Variants in LDAH observed in about 807,000 individuals in gnomAD.
LDAH encodes lipid droplet associated hydrolase, also known as lipid droplet-associated hydrolase.
A neutral mutation model predicts 29.6 loss-of-function variants in LDAH; 26 were observed. That is an observed-to-expected ratio of 0.88 (90% CI 0.64 to 1.22). The LOEUF (loss-of-function observed/expected upper bound fraction) is 1.22, where lower values mean the gene tolerates loss of function less well. Among genes scored for constraint, LDAH ranks in the 50% most tolerant of loss-of-function variants. LDAH has a pLI of 0.00. For synonymous variants in LDAH, 117 were observed against 133.0 expected, an observed-to-expected ratio of 0.88 and a Z score of 0.83; for missense variants, 344 against 387.3, an observed-to-expected ratio of 0.89 and a Z score of 0.94.
chr2:20,775,961 T>C (rs539510562), intron 3 of LDAH, among the ~76,000 whole-genome samples: 3 of 152,318 alleles, frequency 2.0e-5, no homozygotes, highest in Admixed American at 1.3e-4. Flanking sequence ...GACTAGATGA[T>C]CTCTGAGGAT....
At position 20,685,474 on chromosome 2, in the gene LDAH, T is replaced by A; in HGVS notation, c.*1429A>T. 6.6e-7 allele frequency: 1 copy of A among 1,519,334 alleles called. No homozygotes were observed. 94.1% of individuals were successfully genotyped at this position (1,519,334 alleles called of 1,614,324 possible). ...CAGCACTCCTTGTCTGGAGCTTGGCTTTTCCCCTCTGAGAAGTCACTTGCT... is the reference window on the plus strand; with the variant it reads ...CAGCACTCCTTGTCTGGAGCTTGGCATTTCCCCTCTGAGAAGTCACTTGCT... On this transcript the variant is annotated 3_prime_UTR_variant, in exon 7 of 7. Coordinates refer to ENST00000237822, the MANE Select transcript of LDAH (RefSeq NM_021925.4).
intron 5 of LDAH, among the ~76,000 whole-genome samples, chr2:20,720,361 A>G (rs1344420329): frequency 1.3e-5 from 2 of 152,132 alleles, no homozygotes; most frequent in East Asian, 3.8e-4. Context: ...CCTATTTACA[A>G]TAGCTACTAA....
chr2:20,736,636 A>G (rs1666809731), intron 5 of LDAH, among the ~76,000 whole-genome samples: 1 of 152,144 alleles, frequency 6.6e-6, no homozygotes, highest in Admixed American at 6.5e-5. Context: ...CCCTTTTTAA[A>G]GGGAAATTGA....
At chr2:20,734,728 A>C (rs1190198590) in intron 5 of LDAH, among the ~76,000 whole-genome samples, 5 of 152,196 alleles carry the variant, frequency 3.3e-5, no homozygotes, top group Non-Finnish European at 1.5e-5. Flanking sequence ...TAACTTGTTC[A>C]CTGTTCTTTC....
chr2:20,718,814 A>G (rs1358954802), intron 5 of LDAH, among the ~76,000 whole-genome samples: 1 of 152,122 alleles, frequency 6.6e-6, no homozygotes, highest in Non-Finnish European at 1.5e-5. Flanking sequence ...TATTAAGTAT[A>G]TTTTCTGACC....
chr2:20,815,904 C>T (rs1235086507), intron 1 of LDAH, among the ~76,000 whole-genome samples: 1 of 151,982 alleles, frequency 6.6e-6, no homozygotes, highest in Admixed American at 6.6e-5. Context: ...TTTCTTAAAT[C>T]ATATTTGATA....
chr2:20,792,205 T>C (rs1286179343), intron 2 of LDAH, among the ~76,000 whole-genome samples: 2 of 152,148 alleles, frequency 1.3e-5, no homozygotes, highest in Non-Finnish European at 2.9e-5. Flanking sequence ...GAATATGTTA[T>C]ACCTCATATT....
At chr2:20,809,699 C>T (rs1316519567) in intron 1 of LDAH, among the ~76,000 whole-genome samples, 1 of 152,168 alleles carries the variant, frequency 6.6e-6, no homozygotes, top group East Asian at 1.9e-4. Flanking sequence ...GATATTTGAA[C>T]AGGCACTTCA....
At chr2:20,704,224 T>C (rs909279189) in intron 5 of LDAH, among the ~76,000 whole-genome samples, 6 of 152,230 alleles carry the variant, frequency 3.9e-5, no homozygotes, top group Admixed American at 6.5e-5. Context: ...CTTGTCTGTC[T>C]GTGATATTAG....
chr2:20,801,372 C>T lies in LDAH; in HGVS notation c.92G>A (p.Trp31Ter). 1 of 1,614,102 alleles carries T rather than the reference C, an allele frequency of 6.2e-7. No homozygotes were observed. Among genetic ancestry groups the T allele is most frequent in the Non-Finnish European group, 8.5e-7 (1 of 1,179,988 alleles). ...AETQVLKCGP[W>*]TDLFHDQSVK... ...ACTTTGATCATGAAAGAGGTCTGTC[C>T]AGGGCCCACATTTTAGAACCTGGGT... Residue 31 changes from tryptophan (W) to a stop codon, truncating the protein, a stop_gained, in exon 2 of 7, where the codon TGG (tryptophan) becomes TAG (stop). Transcript: ENST00000237822. LOFTEE classifies it high-confidence loss of function.
Position 20,686,812 on chromosome 2 carries a change from A to G in LDAH, c.*91T>C. ...GGTTCTCACTTTCTTCATTTCTAATATCAGTCTTCAAAATTAAACATTTAC... is the reference window on the plus strand; with the variant it reads ...GGTTCTCACTTTCTTCATTTCTAATGTCAGTCTTCAAAATTAAACATTTAC... On this transcript the variant is annotated 3_prime_UTR_variant, in exon 7 of 7. Transcript: ENST00000237822. 8.6e-7 allele frequency: 1 copy of G among 1,169,280 alleles called. No homozygotes were observed. The allele number at this position is 1,169,280 out of a possible 1,614,324, so 72.4% of individuals were successfully genotyped here. A position where few individuals can be genotyped will look rare whatever the true frequency, so the allele number is the denominator to read the frequency against.
chr2:20,761,943 A>C lies in LDAH; in HGVS notation c.468+12867T>G, dbSNP rs542665843. On this transcript the variant is annotated intron_variant, in intron 4 of 6. Transcript: ENST00000237822. ...ATATATGTCATTACAGAAAATTCAA[A>C]AATAAAAAATAGAAAAAAAAAACCC... Among the ~76,000 whole-genome samples, 13 of 152,080 alleles carry C rather than the reference A, an allele frequency of 8.5e-5. No individual in the cohort carries two copies. In the South Asian group the frequency reaches 1.0e-3, roughly 12 times the overall value.
intron 6 of LDAH, among the ~76,000 whole-genome samples, chr2:20,701,290 A>T (rs944100336): frequency 3.9e-5 from 6 of 152,232 alleles, no homozygotes; most frequent in Non-Finnish European, 7.3e-5. Flanking sequence ...TTCTCAGTAG[A>T]AGGCCTAGAG....
chr2:20,711,330 G>A (rs1314035654), intron 5 of LDAH, among the ~76,000 whole-genome samples: 1 of 151,650 alleles, frequency 6.6e-6, no homozygotes, highest in African/African-American at 2.4e-5. Flanking sequence ...GCTTGAAGTG[G>A]GCCGAGATTG....
intron 5 of LDAH, among the ~76,000 whole-genome samples, chr2:20,723,102 T>G (rs1328856998): frequency 6.6e-5 from 10 of 152,338 alleles, no homozygotes; most frequent in African/African-American, 2.4e-4. Context: ...ACCCAAGTAT[T>G]CATCAATCAT....
At chr2:20,713,202 T>C (rs1005315145) in intron 5 of LDAH, among the ~76,000 whole-genome samples, 7 of 152,094 alleles carry the variant, frequency 4.6e-5, no homozygotes, top group Non-Finnish European at 1.0e-4. Flanking sequence ...CAGCAGAAAC[T>C]CTACAAGCCA....
intron 5 of LDAH, among the ~76,000 whole-genome samples, chr2:20,720,825 A>C (rs533030801): frequency 6.6e-6 from 1 of 152,292 alleles, no homozygotes; most frequent in East Asian, 1.9e-4. Context: ...CTCAGAAATA[A>C]ATCAGTATAC....
chr2:20,696,259 T>C (rs1663470527), intron 6 of LDAH, among the ~76,000 whole-genome samples: 1 of 152,156 alleles, frequency 6.6e-6, no homozygotes, highest in Admixed American at 6.5e-5. Context: ...TGCAAACAAC[T>C]GCACAAGGTT....
chr2:20,773,920 A>AC (rs1188010262), intron 4 of LDAH, among the ~76,000 whole-genome samples: 3 of 151,970 alleles, frequency 2.0e-5, no homozygotes, highest in African/African-American at 4.8e-5. Flanking sequence ...ATGCTCCCAC[A>AC]CCCCCTGAAC....
Sources: allele counts gnomAD v4.1 joint callset (sites outside exome capture counted in the v4.1 genomes callset), GRCh38; gene constraint gnomAD v4.1.1; transcripts MANE v1.5; gene names NCBI Gene and HGNC (gene_info 2026-07-23, HGNC 2026-07-21).